CDKAL1: variants seen among roughly 807,000 people sequenced by gnomAD.
CDKAL1 encodes threonylcarbamoyladenosine tRNA methylthiotransferase.
CDKAL1 carries 32 observed loss-of-function variants against 68.2 expected under a neutral mutation model. The ratio of observed to expected loss-of-function variants is 0.47; its 90% CI spans 0.35 to 0.63. The LOEUF (loss-of-function observed/expected upper bound fraction) is 0.63. Ranked by LOEUF, CDKAL1 falls within the 30% of genes least tolerant of loss-of-function variation. The pLI, the probability that CDKAL1 is intolerant of heterozygous loss-of-function variation, is 0.00. For missense variants in CDKAL1, 606 were observed against 696.7 expected (o/e 0.87, Z 1.47); for synonymous variants, 234 against 244.3 (o/e 0.96, Z 0.39).
intron 12 of CDKAL1, among the ~76,000 whole-genome samples, chr6:21,085,703 G>T (rs1772654019): frequency 6.6e-6 from 1 of 152,158 alleles, no homozygotes; most frequent in Non-Finnish European, 1.5e-5. Context: ...TCCATCAAGA[G>T]AATTCAACTG....
At chr6:20,931,022 C>A (rs999303343) in intron 9 of CDKAL1, among the ~76,000 whole-genome samples, 9 of 152,116 alleles carry the variant, frequency 5.9e-5, no homozygotes, top group Non-Finnish European at 1.2e-4. Context: ...GGATTACAGG[C>A]GTGAGCCACC....
At chr6:20,896,115 TTTTTG>T (rs1761676352) in intron 9 of CDKAL1, among the ~76,000 whole-genome samples, 1 of 122,648 alleles carries the variant, frequency 8.2e-6, no homozygotes, top group Non-Finnish European at 1.9e-5. Context: ...TTTTTTTTTT[TTTTTG>T]AGATGGAGTC....
intron 8 of CDKAL1, among the ~76,000 whole-genome samples, chr6:20,839,416 G>A (rs998890214): frequency 4.6e-5 from 7 of 152,030 alleles, no homozygotes; most frequent in African/African-American, 1.2e-4. Context: ...ATAACAAATC[G>A]GTAGCCTATT....
intron 9 of CDKAL1, among the ~76,000 whole-genome samples, chr6:20,903,866 A>G (rs1335785579): frequency 6.6e-6 from 1 of 152,220 alleles, no homozygotes; most frequent in Non-Finnish European, 1.5e-5. Context: ...CCCCAACTAG[A>G]CAACAAATGC....
chr6:20,707,492 A>G (rs932859623), intron 5 of CDKAL1, among the ~76,000 whole-genome samples: 3 of 152,196 alleles, frequency 2.0e-5, no homozygotes, highest in African/African-American at 7.2e-5. Context: ...AATCTAGGTA[A>G]TATTTGGCAT....
chr6:21,077,360 A>G (rs994578184), intron 12 of CDKAL1, among the ~76,000 whole-genome samples: 3 of 152,188 alleles, frequency 2.0e-5, no homozygotes, highest in African/African-American at 7.2e-5. Context: ...AGGCAGAGTA[A>G]CGGGTCCTCA....
chr6:20,674,399 GTT>G (rs1337622678), intron 5 of CDKAL1, among the ~76,000 whole-genome samples: 1 of 152,096 alleles, frequency 6.6e-6, no homozygotes, highest in Non-Finnish European at 1.5e-5. Flanking sequence ...ATTTTGTCAT[GTT>G]AAGAAACTAT....
chr6:20,622,035 T>C (rs561613293), intron 4 of CDKAL1, among the ~76,000 whole-genome samples: 5 of 152,274 alleles, frequency 3.3e-5, no homozygotes, highest in Admixed American at 6.5e-5. Flanking sequence ...TCTATATGTG[T>C]CTCTATGAAG....
intron 13 of CDKAL1, among the ~76,000 whole-genome samples, chr6:21,121,328 A>G (rs982987365): frequency 2.6e-5 from 4 of 152,182 alleles, no homozygotes; most frequent in African/African-American, 9.7e-5. Context: ...TCGGCAAGAT[A>G]CTTAAGTTTT....
intron 5 of CDKAL1, among the ~76,000 whole-genome samples, chr6:20,656,985 T>C (rs1769056107): frequency 6.6e-6 from 1 of 152,200 alleles, no homozygotes; most frequent in Non-Finnish European, 1.5e-5. Flanking sequence ...CCAGAATAAA[T>C]ACAATCCTGT....
intron 7 of CDKAL1, among the ~76,000 whole-genome samples, chr6:20,765,881 A>G (rs1399226533): frequency 3.3e-5 from 5 of 152,334 alleles, no homozygotes; most frequent in African/African-American, 1.2e-4. Flanking sequence ...ACACACATAC[A>G]GAGCAGCAGC....
intron 6 of CDKAL1, among the ~76,000 whole-genome samples, chr6:20,748,555 G>GAA (rs760404728): frequency 7.0e-5 from 2 of 28,770 alleles, no homozygotes; most frequent in African/African-American, 1.2e-4. Context: ...TCTGTTTCTG[G>GAA]AAAAAAAAAA....
chr6:21,159,392 C>T (rs1196985084), intron 13 of CDKAL1, among the ~76,000 whole-genome samples: 3 of 152,202 alleles, frequency 2.0e-5, no homozygotes, highest in Admixed American at 2.0e-4. Context: ...TCCCTCCATA[C>T]CCATTCTTGT....
intron 8 of CDKAL1, among the ~76,000 whole-genome samples, chr6:20,793,614 T>C (rs930917106): frequency 2.0e-5 from 3 of 151,996 alleles, no homozygotes; most frequent in African/African-American, 7.2e-5. Flanking sequence ...AATAATTAAT[T>C]TTCTTAATTT....
chr6:20,980,338 C>T (rs973514301), intron 10 of CDKAL1, among the ~76,000 whole-genome samples: 1 of 151,562 alleles, frequency 6.6e-6, no homozygotes, highest in Non-Finnish European at 1.5e-5. Flanking sequence ...CCCAGGTTCA[C>T]GCCATTCTCC....
intron 10 of CDKAL1, among the ~76,000 whole-genome samples, chr6:20,974,340 CA>C (rs1241189087): frequency 7.9e-5 from 12 of 152,098 alleles, no homozygotes; most frequent in Non-Finnish European, 4.4e-5. Context: ...ACCATATGAG[CA>C]ATTAATCTCC....
chr6:20,562,705 A>G (rs1365824707), intron 4 of CDKAL1, among the ~76,000 whole-genome samples: 8 of 151,736 alleles, frequency 5.3e-5, no homozygotes, highest in African/African-American at 1.9e-4. Flanking sequence ...TCATGCCACT[A>G]CACTCCAGCC....
intron 5 of CDKAL1, among the ~76,000 whole-genome samples, chr6:20,706,951 TG>T (rs1333523047): frequency 1.1e-5 from 1 of 94,510 alleles, no homozygotes; most frequent in African/African-American, 4.1e-5. Context: ...GAACAAATAT[TG>T]GGGGTGAGGG....
intron 13 of CDKAL1, among the ~76,000 whole-genome samples, chr6:21,127,124 T>C (rs1355337011): frequency 6.6e-6 from 1 of 152,194 alleles, no homozygotes; most frequent in African/African-American, 2.4e-5. Flanking sequence ...GTTAATGTGT[T>C]GATTGACTTA....
Sources: allele counts gnomAD v4.1 joint callset (sites outside exome capture counted in the v4.1 genomes callset), GRCh38; gene constraint gnomAD v4.1.1; transcripts MANE v1.5; gene names NCBI Gene and HGNC (gene_info 2026-07-23, HGNC 2026-07-21).